GPAT4: variants seen among roughly 807,000 people sequenced by gnomAD.
The protein encoded by GPAT4 is glycerol-3-phosphate acyltransferase 4.
In GPAT4, 17 loss-of-function variants were observed where a neutral mutation model predicts 58.0. The observed-to-expected ratio is 0.29, with a 90% CI of 0.20 to 0.44. The LOEUF is 0.44. Ranked by LOEUF, GPAT4 falls within the 20% of genes least tolerant of loss-of-function variation. The pLI is 1.00. For synonymous variants in GPAT4, 204 were observed against 210.1 expected (o/e 0.97, Z 0.25); for missense variants, 377 against 574.5 (o/e 0.66, Z 3.51).
intron 1 of GPAT4, among the ~76,000 whole-genome samples, chr8:41,579,675 T>C (rs934518000): frequency 6.6e-6 from 1 of 152,028 alleles, no homozygotes; most frequent in African/African-American, 2.4e-5. Context: ...CTGCATATAC[T>C]AAAAATACAA....
chr8:41,579,149 G>T (rs1361770011), intron 1 of GPAT4, among the ~76,000 whole-genome samples: 1 of 152,210 alleles, frequency 6.6e-6, no homozygotes, highest in Non-Finnish European at 1.5e-5. Flanking sequence ...ACAAAATCCT[G>T]TAATAATGCC....
intron 1 of GPAT4, chr8:41,578,718 C>T (rs971991087): frequency 1.3e-5 from 2 of 152,264 alleles, no homozygotes; most frequent in Admixed American, 1.3e-4. Context: ...ATGTCTTTAC[C>T]CTCTCCTTCT....
chr8:41,587,722 GGTAAAAA>G (rs1802692648), intron 1 of GPAT4, among the ~76,000 whole-genome samples: 1 of 152,010 alleles, frequency 6.6e-6, no homozygotes, highest in Non-Finnish European at 1.5e-5. Context: ...TCCCCAAGGG[GGTAAAAA>G]AATCACCCTT....
In GPAT4 at chr8:41,621,057, G is replaced by C; in HGVS notation, c.*56G>C. 1.9e-6 allele frequency: 3 copies of C among 1,546,688 alleles called. No homozygotes were observed. The highest frequency in any genetic ancestry group is 2.6e-6 in the Non-Finnish European group (3 of 1,145,088). ...CGGGGTGCCAACGGGCTCAGAGCTGGAGTTGCCGCCGCCGCCCCCACTGCT... is the reference window on the plus strand; with the variant it reads ...CGGGGTGCCAACGGGCTCAGAGCTGCAGTTGCCGCCGCCGCCCCCACTGCT... On this transcript the variant is annotated 3_prime_UTR_variant, in exon 13 of 13. Coordinates refer to ENST00000396987, the MANE Select transcript of GPAT4 (RefSeq NM_178819.4).
In GPAT4 at chr8:41,605,213, C is replaced by T. The variant is rs545320183; in HGVS notation, c.166-4203C>T. Among the ~76,000 whole-genome samples, 187 of 152,338 alleles carry T rather than the reference C, an allele frequency of 1.2e-3. 1 individual carries two copies. Among genetic ancestry groups the T allele is most frequent in the Middle Eastern group, 3.4e-3 (1 of 294 alleles). ...TGCACATAGGGGTAAGTTCTGGCTG[C>T]CGCCTCTTGAGGTTTGTGTAGTCTA... On this transcript the variant is annotated intron_variant, in intron 2 of 12. Coordinates refer to ENST00000396987, the MANE Select transcript of GPAT4 (RefSeq NM_178819.4).
intron 1 of GPAT4, among the ~76,000 whole-genome samples, chr8:41,585,674 A>C (rs1481919204): frequency 6.6e-6 from 1 of 152,204 alleles, no homozygotes; most frequent in Non-Finnish European, 1.5e-5. Flanking sequence ...TGAAGCATGG[A>C]ATGTGACTTT....
intron 1 of GPAT4, among the ~76,000 whole-genome samples, chr8:41,591,647 T>C (rs1045914104): frequency 6.6e-6 from 1 of 152,250 alleles, no homozygotes; most frequent in Non-Finnish European, 1.5e-5. Context: ...CCTATTACTA[T>C]TGTAACTCCT....
At chr8:41,600,688 G>C (rs114885235) in intron 2 of GPAT4, among the ~76,000 whole-genome samples, 230 of 151,550 alleles carry the variant, frequency 1.5e-3, no homozygotes, top group African/African-American at 5.1e-3. Context: ...TATTCACATT[G>C]TTTTCTGTCC....
At chr8:41,616,232 C>T (rs1803590865) in intron 10 of GPAT4, among the ~76,000 whole-genome samples, 1 of 152,162 alleles carries the variant, frequency 6.6e-6, no homozygotes, top group Non-Finnish European at 1.5e-5. Context: ...TAGGCTGCAT[C>T]AGCATTGCCT....
At chr8:41,597,043 A>G (rs1013846105) in intron 1 of GPAT4, among the ~76,000 whole-genome samples, 2 of 152,192 alleles carry the variant, frequency 1.3e-5, no homozygotes, top group Non-Finnish European at 2.9e-5. Flanking sequence ...TTTTCCATAC[A>G]GTGTCTGAAA....
At chr8:41,612,615 G>A (rs1236510188) in intron 7 of GPAT4, among the ~76,000 whole-genome samples, 1 of 152,174 alleles carries the variant, frequency 6.6e-6, no homozygotes, top group African/African-American at 2.4e-5. Flanking sequence ...TTTGTCTTAG[G>A]GGTTTCAGTT....
chr8:41,592,265 C>T lies in GPAT4; in HGVS notation c.-848-6027C>T, dbSNP rs138492604. On this transcript the variant is annotated intron_variant, in intron 1 of 12. Transcript: ENST00000396987. ...TGGCTTAAGCTCTATGCCCACATAT[C>T]CAGTATAATCCAGTGGGGGCTGTCC... Among the ~76,000 whole-genome samples, 1,336 of 152,234 alleles carry T rather than the reference C, an allele frequency of 8.8e-3. 23 individuals carry two copies. The highest frequency in any genetic ancestry group is 0.031 in the African/African-American group (1,296 of 41,530).
intron 10 of GPAT4, 68 bp from the exon 11 acceptor site, chr8:41,618,616 G>A: frequency 4.4e-6 from 7 of 1,585,612 alleles, no homozygotes; most frequent in Non-Finnish European, 6.0e-6. Flanking sequence ...ACTCACAGCA[G>A]TCACTGTGGA....
intron 10 of GPAT4, among the ~76,000 whole-genome samples, chr8:41,617,069 T>C (rs1039248683): frequency 6.6e-6 from 1 of 152,168 alleles, no homozygotes; most frequent in African/African-American, 2.4e-5. Context: ...CTTTATAAAA[T>C]ACAACGACAT....
At chr8:41,605,947 A>C (rs1803256072) in intron 2 of GPAT4, among the ~76,000 whole-genome samples, 1 of 152,186 alleles carries the variant, frequency 6.6e-6, no homozygotes, top group South Asian at 2.1e-4. Context: ...GCAAGAGGGA[A>C]GCAATTCAAT....
intron 1 of GPAT4, among the ~76,000 whole-genome samples, chr8:41,579,257 A>G (rs1232930338): frequency 6.6e-6 from 1 of 152,224 alleles, no homozygotes; most frequent in Non-Finnish European, 1.5e-5. Context: ...TAGATGGAAT[A>G]GGGAACCAGC....
rs182594264 is a variant in GPAT4 at position 41,600,668 on chromosome 8, G to A, written c.165+1364G>A. Among the ~76,000 whole-genome samples, 38 of 151,874 alleles carry A rather than the reference G, an allele frequency of 2.5e-4. No homozygotes were observed. In the East Asian group the frequency reaches 7.2e-3, roughly 29 times the overall value. ...TAATTTTAGAGTGAACAGTTCAGTA[G>A]CGTTTACTATATTCACATTGTTTTC... On this transcript the variant is annotated intron_variant, in intron 2 of 12. Coordinates refer to ENST00000396987, the MANE Select transcript of GPAT4 (RefSeq NM_178819.4).
At chr8:41,599,556 G>C (rs1175495846) in intron 2 of GPAT4, among the ~76,000 whole-genome samples, 2 of 152,186 alleles carry the variant, frequency 1.3e-5, no homozygotes, top group African/African-American at 4.8e-5. Context: ...AGAGAATGGG[G>C]CTTAGAATTA....
At chr8:41,595,756 C>T (rs1056940341) in intron 1 of GPAT4, among the ~76,000 whole-genome samples, 6 of 152,084 alleles carry the variant, frequency 3.9e-5, no homozygotes, top group African/African-American at 9.7e-5. Flanking sequence ...CTCTTCCTCT[C>T]TCTCTGCCTC....
Sources: gnomAD v4.1 joint callset for allele counts (sites outside exome capture counted in the v4.1 genomes callset) on GRCh38, gnomAD v4.1.1 for gene constraint, MANE v1.5 for transcripts, NCBI Gene and HGNC (gene_info 2026-07-23, HGNC 2026-07-21) for gene names.